TBC1D1: variants seen among roughly 807,000 people sequenced by gnomAD.
The protein encoded by TBC1D1 is TBC1 domain family member 1.
Under a neutral mutation model 125.6 loss-of-function variants are expected in TBC1D1, and 89 were observed. The observed-to-expected ratio is 0.71, with a 90% CI of 0.60 to 0.85. The LOEUF is 0.85. Among genes scored for constraint, TBC1D1 ranks in the 40% least tolerant of loss-of-function variants. The pLI is 0.00. For missense variants in TBC1D1, 1,377 were observed against 1,469.2 expected (o/e 0.94, Z 1.03); for synonymous variants, 565 against 564.1 (o/e 1.00, Z -0.02).
intron 2 of TBC1D1, among the ~76,000 whole-genome samples, chr4:37,978,339 T>C (rs1007759230): frequency 2.6e-5 from 4 of 152,208 alleles, no homozygotes; most frequent in Non-Finnish European, 1.5e-5. Flanking sequence ...TAGGGCATCT[T>C]GCTGTCACCC....
At chr4:38,113,198 C>CT (rs1762466244) in intron 15 of TBC1D1, among the ~76,000 whole-genome samples, 1 of 152,282 alleles carries the variant, frequency 6.6e-6, no homozygotes, top group South Asian at 2.1e-4. Context: ...AAGACAGAGA[C>CT]AACAGAGCAT....
chr4:38,049,882 A>G lies in TBC1D1; in HGVS notation c.1894A>G (p.Thr632Ala). ...GAGGTATCACTCAGTGAGCACAGAG[A>G]CGCCTCATGAACGAAAGTAAGATTT... The change falls in exon 11 of 20, where the codon ACG becomes GCG. Residue 632 changes from threonine (T) to alanine (A), a missense_variant. By Grantham distance (58) the Thr-to-Ala change is moderately conservative (BLOSUM62 0). Transcript: ENST00000261439. 1.2e-6 allele frequency: 2 copies of G among 1,608,954 alleles called. No homozygotes were observed. The highest frequency in any genetic ancestry group is 1.7e-6 in the Non-Finnish European group (2 of 1,177,608).
At chr4:38,067,999 C>T (rs1007932886) in intron 12 of TBC1D1, among the ~76,000 whole-genome samples, 1 of 152,158 alleles carries the variant, frequency 6.6e-6, no homozygotes, top group Non-Finnish European at 1.5e-5. Context: ...TCTCGCCTGA[C>T]GAGAGGTCTG....
chr4:37,917,018 G>A (rs1013113087), intron 2 of TBC1D1, among the ~76,000 whole-genome samples: 1 of 151,632 alleles, frequency 6.6e-6, no homozygotes, highest in African/African-American at 2.4e-5. Context: ...TGATTCGCCT[G>A]CCTCAGCCTC....
chr4:38,055,165 C>T (rs1470761448), intron 12 of TBC1D1: 1 of 152,206 alleles, frequency 6.6e-6, no homozygotes, highest in Non-Finnish European at 1.5e-5. Flanking sequence ...CCAACGATCA[C>T]TTTAGAGAAA....
intron 18 of TBC1D1, among the ~76,000 whole-genome samples, chr4:38,127,228 C>A (rs6857857): frequency 2.0e-5 from 3 of 151,988 alleles, no homozygotes; most frequent in Non-Finnish European, 4.4e-5. Context: ...AAAAATAAAA[C>A]GTATTGAGAA....
At chr4:37,944,879 C>G (rs1726339321) in intron 2 of TBC1D1, among the ~76,000 whole-genome samples, 1 of 152,180 alleles carries the variant, frequency 6.6e-6, no homozygotes, top group Non-Finnish European at 1.5e-5. Context: ...TGAGATGAAC[C>G]CGGTACCTCA....
chr4:38,114,465 G>A (rs1253865922), intron 15 of TBC1D1, among the ~76,000 whole-genome samples: 1 of 152,202 alleles, frequency 6.6e-6, no homozygotes, highest in African/African-American at 2.4e-5. Flanking sequence ...TGCTGAGACC[G>A]AATAATTGCA....
At chr4:38,056,533 G>A (rs1300366279) in intron 12 of TBC1D1, among the ~76,000 whole-genome samples, 1 of 152,186 alleles carries the variant, frequency 6.6e-6, no homozygotes, top group East Asian at 1.9e-4. Flanking sequence ...TCCTGGCTTG[G>A]CACAGTTGAC....
At chr4:38,106,384 C>T (rs541419328) in intron 15 of TBC1D1, among the ~76,000 whole-genome samples, 2 of 152,302 alleles carry the variant, frequency 1.3e-5, no homozygotes, top group East Asian at 3.9e-4. Flanking sequence ...GCGCAGGAGG[C>T]CCGTGTTGCT....
chr4:38,089,553 G>T (rs1317843412), intron 12 of TBC1D1, among the ~76,000 whole-genome samples: 1 of 152,178 alleles, frequency 6.6e-6, no homozygotes, highest in Non-Finnish European at 1.5e-5. Flanking sequence ...AGAGTTTTGT[G>T]AGTGTAAATT....
At chr4:37,912,911 A>T (rs1016132135) in intron 2 of TBC1D1, among the ~76,000 whole-genome samples, 5 of 152,210 alleles carry the variant, frequency 3.3e-5, no homozygotes, top group African/African-American at 9.6e-5. Flanking sequence ...ACAGACGAAG[A>T]CAGTTACTAT....
chr4:38,096,512 A>G (rs1759369597), intron 14 of TBC1D1, among the ~76,000 whole-genome samples: 2 of 152,198 alleles, frequency 1.3e-5, no homozygotes, highest in Non-Finnish European at 2.9e-5. Flanking sequence ...TTGCAGTGTG[A>G]TCTTAGACAA....
chr4:37,945,351 G>A (rs1489226047), intron 2 of TBC1D1, among the ~76,000 whole-genome samples: 1 of 151,072 alleles, frequency 6.6e-6, no homozygotes, highest in African/African-American at 2.4e-5. Flanking sequence ...CATCTCTACT[G>A]AAATCACAAA....
At chr4:38,012,537 A>G (rs549593691) in intron 2 of TBC1D1, among the ~76,000 whole-genome samples, 1 of 152,056 alleles carries the variant, frequency 6.6e-6, no homozygotes, top group African/African-American at 2.4e-5. Flanking sequence ...GGCCTCCCAA[A>G]GTGCTGGGAT....
chr4:38,021,475 C>T, intron 5 of TBC1D1, 111 bp from the exon 6 acceptor site: 1 of 969,658 alleles, frequency 1.0e-6, no homozygotes, highest in Non-Finnish European at 1.5e-6. Flanking sequence ...AAGAGTAGTA[C>T]AGAAAACTCT....
intron 2 of TBC1D1, among the ~76,000 whole-genome samples, chr4:37,974,843 G>A (rs1732742164): frequency 6.6e-6 from 1 of 152,228 alleles, no homozygotes; most frequent in Non-Finnish European, 1.5e-5. Context: ...ACAGGCATGA[G>A]CCACCACGCC....
chr4:38,055,800 C>A (rs1338922004), intron 12 of TBC1D1, among the ~76,000 whole-genome samples: 1 of 152,210 alleles, frequency 6.6e-6, no homozygotes, highest in African/African-American at 2.4e-5. Context: ...GGCTCTTCCT[C>A]CCAGGTCCTG....
intron 14 of TBC1D1, among the ~76,000 whole-genome samples, chr4:38,101,929 A>G (rs933823): frequency 0.75 from 113,151 of 151,878 alleles, 42,665 homozygotes; most frequent in East Asian, 0.86. Flanking sequence ...TTAAGGCTCG[A>G]CTCAAATGAA....
Sources: gnomAD v4.1 joint callset for allele counts (sites outside exome capture counted in the v4.1 genomes callset) on GRCh38, gnomAD v4.1.1 for gene constraint, MANE v1.5 for transcripts, NCBI Gene and HGNC (gene_info 2026-07-23, HGNC 2026-07-21) for gene names.